ATP2B1: variants seen among roughly 807,000 people sequenced by gnomAD.
The protein encoded by ATP2B1 is plasma membrane calcium-transporting ATPase 1.
A neutral mutation model predicts 124.2 loss-of-function variants in ATP2B1; 14 were observed. The observed-to-expected ratio is 0.11, with a 90% CI of 0.07 to 0.18. The LOEUF is 0.18. Among genes scored for constraint, ATP2B1 ranks in the 10% least tolerant of loss-of-function variants. ATP2B1 has a pLI of 1.00. For synonymous variants in ATP2B1, 449 were observed against 492.4 expected, an observed-to-expected ratio of 0.91 and a Z score of 1.17; for missense variants, 763 against 1,466.1, an observed-to-expected ratio of 0.52 and a Z score of 7.83.
At chr12:89,632,523 T>C (rs149021432) in intron 5 of ATP2B1, among the ~76,000 whole-genome samples, 3 of 152,350 alleles carry the variant, frequency 2.0e-5, no homozygotes, top group Non-Finnish European at 4.4e-5. Flanking sequence ...CAGACTCCAA[T>C]TGTTTAGGTT....
chr12:89,623,181 G>A (rs1880285310), intron 9 of ATP2B1, among the ~76,000 whole-genome samples: 1 of 152,030 alleles, frequency 6.6e-6, no homozygotes, highest in South Asian at 2.1e-4. Context: ...AGAGTGCAAA[G>A]GTAGAAACGA....
chr12:89,682,690 C>T (rs993291762), intron 1 of ATP2B1, among the ~76,000 whole-genome samples: 1 of 152,096 alleles, frequency 6.6e-6, no homozygotes, highest in Admixed American at 6.6e-5. Context: ...ATTTCTTATA[C>T]CACATCAGAA....
chr12:89,681,789 T>C (rs1418599281), intron 1 of ATP2B1, among the ~76,000 whole-genome samples: 1 of 152,108 alleles, frequency 6.6e-6, no homozygotes, highest in African/African-American at 2.4e-5. Flanking sequence ...ATAAATTATA[T>C]CCACCTCAGT....
At chr12:89,645,143 A>G (rs1487798576) in intron 2 of ATP2B1, among the ~76,000 whole-genome samples, 1 of 152,190 alleles carries the variant, frequency 6.6e-6, no homozygotes, top group Non-Finnish European at 1.5e-5. Context: ...CAAACTTACA[A>G]GGTTGTTTTG....
At chr12:89,617,867 C>G (rs1168600923) in intron 11 of ATP2B1, among the ~76,000 whole-genome samples, 1 of 152,184 alleles carries the variant, frequency 6.6e-6, no homozygotes, top group African/African-American at 2.4e-5. Context: ...TTACCCTAAT[C>G]ATTTTGATGT....
intron 2 of ATP2B1, 51 bp downstream of exon 2, chr12:89,655,628 T>C (rs750747251): frequency 1.3e-6 from 2 of 1,532,496 alleles, no homozygotes; most frequent in Non-Finnish European, 1.8e-6. Context: ...ATAAGCCAAA[T>C]ATATAGAACT....
chr12:89,641,323 T>C (rs1026443674), intron 3 of ATP2B1, among the ~76,000 whole-genome samples: 15 of 152,164 alleles, frequency 9.9e-5, no homozygotes, highest in African/African-American at 2.9e-4. Context: ...ATTTCTCTAT[T>C]GGTTAGGATA....
In ATP2B1 at chr12:89,603,367, G is replaced by C. The variant is rs1278696865; in HGVS notation, c.2849-113C>G. 1.1e-6 allele frequency: 1 copy of C among 892,490 alleles called. No homozygotes were observed. The highest frequency in any genetic ancestry group is 1.7e-5 in the African/African-American group (1 of 58,886). 55.3% of individuals were successfully genotyped at this position (892,490 alleles called of 1,614,324 possible). ...TTATTTGATCTGAAATGGCAGCATG[G>C]AAGGAGCTAGAGAAACCTGGGATTA... On this transcript the variant is annotated intron_variant, in intron 17 of 20. Coordinates refer to ENST00000428670, the MANE Select transcript of ATP2B1 (RefSeq NM_001366521.1). This position sits in a 1 kb window ranked among gnomAD's most constrained non-coding sequence, Gnocchi z 4.3.
chr12:89,671,517 C>T (rs547821547), intron 1 of ATP2B1, among the ~76,000 whole-genome samples: 1 of 152,296 alleles, frequency 6.6e-6, no homozygotes, highest in African/African-American at 2.4e-5. Flanking sequence ...CTACATGGAT[C>T]CTTTCGCCTA....
intron 3 of ATP2B1, among the ~76,000 whole-genome samples, chr12:89,637,611 T>C (rs529500866): frequency 3.8e-4 from 58 of 152,118 alleles, no homozygotes; most frequent in African/African-American, 1.4e-3. Context: ...ATTGCCCAGA[T>C]TGGCCTCGAA....
chr12:89,639,751 C>CAAA (rs1436605774), intron 3 of ATP2B1, among the ~76,000 whole-genome samples: 1 of 151,996 alleles, frequency 6.6e-6, no homozygotes, highest in East Asian at 1.9e-4. Flanking sequence ...ACCTGTATCT[C>CAAA]CTTTAACAAA....
chr12:89,686,097 T>TAC (rs1889941502), intron 1 of ATP2B1, among the ~76,000 whole-genome samples: 1 of 152,268 alleles, frequency 6.6e-6, no homozygotes, highest in Admixed American at 6.5e-5. Flanking sequence ...AATTTTAATA[T>TAC]ACTTTTTATC....
At chr12:89,691,074 T>C (rs1890503411) in intron 1 of ATP2B1, among the ~76,000 whole-genome samples, 1 of 152,096 alleles carries the variant, frequency 6.6e-6, no homozygotes, top group African/African-American at 2.4e-5. Context: ...GGCTCAACTG[T>C]GTACAGCAGA....
At chr12:89,619,397 AG>A (rs1879557997) in intron 11 of ATP2B1, among the ~76,000 whole-genome samples, 1 of 152,106 alleles carries the variant, frequency 6.6e-6, no homozygotes, top group Non-Finnish European at 1.5e-5. Flanking sequence ...AGATTACTTG[AG>A]GTCAGGAGTT....
chr12:89,685,417 A>G (rs886840911), intron 1 of ATP2B1, among the ~76,000 whole-genome samples: 2 of 152,124 alleles, frequency 1.3e-5, no homozygotes, highest in African/African-American at 2.4e-5. Context: ...TCCTCAGGAC[A>G]GTTTCCCTTA....
At chr12:89,697,099 A>T (rs1327668243) in intron 1 of ATP2B1, among the ~76,000 whole-genome samples, 1 of 150,752 alleles carries the variant, frequency 6.6e-6, no homozygotes, top group Non-Finnish European at 1.5e-5. Flanking sequence ...AAGTAATTCA[A>T]ATATCAAGTT....
intron 8 of ATP2B1, among the ~76,000 whole-genome samples, chr12:89,625,601 A>G (rs1419821146): frequency 4.0e-5 from 6 of 150,086 alleles, no homozygotes; most frequent in Non-Finnish European, 7.4e-5. Flanking sequence ...AAAAAAAAAA[A>G]AAAGAAAAGA....
intron 1 of ATP2B1, among the ~76,000 whole-genome samples, chr12:89,662,916 G>T (rs79130177): frequency 0.013 from 2,030 of 152,148 alleles, 41 homozygotes; most frequent in African/African-American, 0.047. Flanking sequence ...GAAACAACTA[G>T]ATTAGAATAA....
intron 9 of ATP2B1, 26 bp from the exon 10 acceptor site, chr12:89,621,817 AGTTAAGCTGCATAT>A: frequency 7.2e-7 from 1 of 1,384,272 alleles, no homozygotes; most frequent in Non-Finnish European, 9.7e-7. Flanking sequence ...AAAAAAAACT[AGTTAAGCTGCATAT>A]AAAACCAATC....
Sources: allele counts gnomAD v4.1 joint callset (sites outside exome capture counted in the v4.1 genomes callset), GRCh38; gene constraint gnomAD v4.1.1; non-coding constraint Gnocchi (gnomAD v3.1); transcripts MANE v1.5; gene names NCBI Gene and HGNC (gene_info 2026-07-23, HGNC 2026-07-21).